The following CDH12 variants were observed in gnomAD, a reference collection of about 807,000 sequenced individuals.
CDH12 encodes the protein cadherin-12.
Under a neutral mutation model 74.1 loss-of-function variants are expected in CDH12, and 41 were observed. The observed-to-expected ratio is 0.55, with a 90% CI of 0.43 to 0.72. The LOEUF is 0.72. CDH12 is among the 30% of genes least tolerant of loss of function. CDH12 has a pLI of 0.00. For missense variants in CDH12, 945 were observed against 977.2 expected, an observed-to-expected ratio of 0.97 and a Z score of 0.44; for synonymous variants, 399 against 355.0, an observed-to-expected ratio of 1.12 and a Z score of -1.39.
intron 1 of CDH12, among the ~76,000 whole-genome samples, chr5:22,542,221 T>C (rs945296810): frequency 3.9e-5 from 6 of 152,204 alleles, no homozygotes; most frequent in African/African-American, 1.2e-4. Context: ...TAAGTTCTGG[T>C]GTTTTTACTG....
intron 2 of CDH12, among the ~76,000 whole-genome samples, chr5:22,467,435 T>C (rs1189363280): frequency 6.6e-6 from 1 of 152,154 alleles, no homozygotes. Flanking sequence ...CAACTAAGAG[T>C]TCTCTTCCCA....
intron 1 of CDH12, among the ~76,000 whole-genome samples, chr5:22,560,624 A>G (rs1739005327): frequency 6.6e-6 from 1 of 152,136 alleles, no homozygotes; most frequent in South Asian, 2.1e-4. Context: ...AAAATTTTAC[A>G]AAAAATAAAG....
intron 1 of CDH12, among the ~76,000 whole-genome samples, chr5:22,593,232 GTC>G (rs10549680): frequency 0.49 from 73,804 of 150,366 alleles, 18,295 homozygotes; most frequent in Admixed American, 0.58. Context: ...CAAGCATTCT[GTC>G]TCTCTCTCTC....
At chr5:22,072,308 G>A (rs1741997890) in intron 5 of CDH12, among the ~76,000 whole-genome samples, 1 of 152,046 alleles carries the variant, frequency 6.6e-6, no homozygotes, top group Non-Finnish European at 1.5e-5. Flanking sequence ...TTTACACTCT[G>A]ACCATCTGAC....
intron 5 of CDH12, among the ~76,000 whole-genome samples, chr5:22,013,165 TGG>T (rs1475311639): frequency 6.6e-6 from 1 of 152,178 alleles, no homozygotes. Flanking sequence ...TACGCATGGC[TGG>T]GGAGACCTCA....
chr5:22,423,860 G>C (rs906547543), intron 2 of CDH12, among the ~76,000 whole-genome samples: 4 of 151,712 alleles, frequency 2.6e-5, no homozygotes, highest in Admixed American at 2.6e-4. Context: ...AAAATTAGCC[G>C]GGCGTGTTGG....
chr5:22,243,087 T>C (rs954739166), intron 3 of CDH12, among the ~76,000 whole-genome samples: 3 of 152,154 alleles, frequency 2.0e-5, no homozygotes, highest in African/African-American at 7.2e-5. Context: ...ATCCTCCCCT[T>C]TCAAAGATTA....
intron 10 of CDH12, among the ~76,000 whole-genome samples, chr5:21,791,891 A>G (rs1471023233): frequency 6.6e-6 from 1 of 151,870 alleles, no homozygotes. Flanking sequence ...CTCACCATCA[A>G]TGGAAACGCT....
At chr5:22,443,178 T>A (rs1191603233) in intron 2 of CDH12, among the ~76,000 whole-genome samples, 2 of 152,144 alleles carry the variant, frequency 1.3e-5, no homozygotes, top group African/African-American at 4.8e-5. Context: ...TAGATAAAGA[T>A]CATCATCATA....
Position 21,842,258 on chromosome 5 carries a change from G to T in CDH12, c.717C>A (p.Ala239=). ...CTCCAAGCTGTCCTCCCATATCCTT[G>T]GCTTGGATGAGTACTTGATATTGTT... The part of the protein sequence containing the change: ...VKEQYQVLIQ[A]KDMGGQLGGL... Residue 239 remains alanine (A), a synonymous_variant, in exon 8 of 15, where the codon GCC becomes GCA. Transcript: ENST00000382254. 3 of 1,613,088 alleles carry T rather than the reference G, an allele frequency of 1.9e-6. No homozygotes were observed. The highest frequency in any genetic ancestry group is 2.2e-5 in the South Asian group (2 of 90,996).
chr5:21,989,164 G>C (rs3950912), intron 5 of CDH12, among the ~76,000 whole-genome samples: 1 of 152,164 alleles, frequency 6.6e-6, no homozygotes, highest in South Asian at 2.1e-4. Flanking sequence ...GTAGTCACAA[G>C]ATTGTCAACA....
chr5:22,455,542 T>C (rs1745229756), intron 2 of CDH12, among the ~76,000 whole-genome samples: 1 of 152,170 alleles, frequency 6.6e-6, no homozygotes, highest in Non-Finnish European at 1.5e-5. Flanking sequence ...TGACAAAAGC[T>C]CATTTGAGAA....
intron 1 of CDH12, among the ~76,000 whole-genome samples, chr5:22,700,081 T>G (rs925867792): frequency 1.3e-5 from 2 of 151,938 alleles, no homozygotes; most frequent in African/African-American, 2.4e-5. Context: ...GCTGGAGAAT[T>G]GCTTGAACCC....
intron 3 of CDH12, among the ~76,000 whole-genome samples, chr5:22,253,086 C>T (rs920946880): frequency 2.6e-5 from 4 of 151,848 alleles, no homozygotes; most frequent in African/African-American, 9.7e-5. Context: ...GTTGACCATA[C>T]AGGAAATCTT....
At chr5:22,379,792 G>A (rs1481644270) in intron 3 of CDH12, among the ~76,000 whole-genome samples, 1 of 152,132 alleles carries the variant, frequency 6.6e-6, no homozygotes, top group Admixed American at 6.5e-5. Context: ...GTCTCTTTCT[G>A]TTGCTTTGGC....
chr5:22,747,460 C>CAAA (rs773289338), intron 1 of CDH12, among the ~76,000 whole-genome samples: 1 of 60,510 alleles, frequency 1.7e-5, no homozygotes, highest in Non-Finnish European at 3.7e-5. Flanking sequence ...CCTGTCTGTA[C>CAAA]AAAAAAAAAA....
chr5:22,483,043 C>T (rs145366539), intron 2 of CDH12, among the ~76,000 whole-genome samples: 27 of 152,238 alleles, frequency 1.8e-4, no homozygotes, highest in African/African-American at 5.8e-4. Context: ...ACACCTCCCC[C>T]TTCTCTTCAA....
In CDH12 at chr5:22,265,712, C is replaced by T. The variant is rs138024718; in HGVS notation, c.-332-53069G>A. ...AAAATAGTACTGAAGTAGAAATTAA[C>T]TCAAGTGGTGCCACTCTCCTCTGAG... On this transcript the variant is annotated intron_variant, in intron 3 of 14. Transcript: ENST00000382254. Among the ~76,000 whole-genome samples, 272 of 152,214 alleles carry T rather than the reference C, an allele frequency of 1.8e-3. 2 individuals are homozygous for T. Among genetic ancestry groups the T allele is most frequent in the African/African-American group, 6.1e-3 (255 of 41,550 alleles).
At chr5:21,760,707 C>G in intron 12 of CDH12, 32 bp from the exon 13 acceptor site, 1 of 1,320,128 alleles carries the variant, frequency 7.6e-7, no homozygotes, top group East Asian at 2.3e-5. Flanking sequence ...AGTCGGTCAT[C>G]AGTTTCAAAG....
Sources: gnomAD v4.1 joint callset for allele counts (sites outside exome capture counted in the v4.1 genomes callset) on GRCh38, gnomAD v4.1.1 for gene constraint, MANE v1.5 for transcripts, NCBI Gene and HGNC (gene_info 2026-07-23, HGNC 2026-07-21) for gene names.